Variants in GFRA2 observed in about 807,000 individuals in gnomAD.
GFRA2 encodes GDNF family receptor alpha 2, also known as GDNF family receptor alpha-2.
GFRA2 carries 17 observed loss-of-function variants against 48.3 expected under a neutral mutation model. The ratio of observed to expected loss-of-function variants is 0.35; its 90% CI spans 0.24 to 0.53. The LOEUF (loss-of-function observed/expected upper bound fraction) is 0.53, where lower values mean the gene tolerates loss of function less well. GFRA2 is among the 20% of genes least tolerant of loss of function. The probability of loss-of-function intolerance (pLI) is 0.93; values close to 1 mark genes in which losing one functional copy is unlikely to be tolerated. For missense variants in GFRA2, 660 were observed against 637.3 expected (o/e 1.04, Z -0.38); for synonymous variants, 305 against 257.2 (o/e 1.19, Z -1.78).
Position 21,758,599 on chromosome 8 carries a change from C to G in GFRA2, c.440-7657G>C, listed in dbSNP as rs1196068118. Among the ~76,000 whole-genome samples the G allele has an allele frequency of 2.0e-5, 3 of 152,252 alleles. No individual in the cohort carries two copies. The East Asian group carries it at 5.8e-4, about 29-fold the overall frequency. ...AAGAACGTGGGTCCTAATTCTGTCT[C>G]TGCTTCTCCAAGCTGAAGAAGACCC... On this transcript the variant is annotated intron_variant, in intron 3 of 8. Transcript: ENST00000524240.
At chr8:21,711,637 A>G (rs1436558900) in intron 4 of GFRA2, among the ~76,000 whole-genome samples, 3 of 152,088 alleles carry the variant, frequency 2.0e-5, no homozygotes. Flanking sequence ...TTTTTTTAGC[A>G]TAAGTATGTC....
In GFRA2 at chr8:21,788,376, C is replaced by G. The variant is rs1219604932; in HGVS notation, c.-217G>C. The G allele has an allele frequency of 4.8e-5, 64 of 1,337,478 alleles. No homozygotes were observed. The highest frequency in any genetic ancestry group is 7.4e-5 in the Admixed American group (2 of 26,876). The allele number at this position is 1,337,478 out of a possible 1,614,324, so 82.9% of individuals were successfully genotyped here. Reference sequence around the variant, plus strand: ...AGGCGGGCGATGGGCTGCTGCCTCTCGACGCCCCCCTTGCCCGCTACAATC... The same window carrying G: ...AGGCGGGCGATGGGCTGCTGCCTCTGGACGCCCCCCTTGCCCGCTACAATC... On this transcript the variant is annotated 5_prime_UTR_variant, in exon 1 of 9. Transcript: ENST00000524240.
chr8:21,739,988 C>T (rs879314685), intron 4 of GFRA2, among the ~76,000 whole-genome samples: 1 of 152,190 alleles, frequency 6.6e-6, no homozygotes, highest in African/African-American at 2.4e-5. Context: ...GCAGCCATAT[C>T]GTGGCCCCTC....
At chr8:21,754,526 G>C (rs1362402995) in intron 3 of GFRA2, among the ~76,000 whole-genome samples, 1 of 30,398 alleles carries the variant, frequency 3.3e-5, no homozygotes, top group East Asian at 1.0e-3. Context: ...TTTTTTTTTT[G>C]AGTCAGAGTT....
At chr8:21,786,900 G>A (rs1324697093) in intron 1 of GFRA2, among the ~76,000 whole-genome samples, 7 of 152,226 alleles carry the variant, frequency 4.6e-5, no homozygotes, top group African/African-American at 1.7e-4. Context: ...TCATGACCCC[G>A]CTGGGCAGCC....
intron 4 of GFRA2, among the ~76,000 whole-genome samples, chr8:21,712,770 C>T (rs1803120170): frequency 2.0e-5 from 3 of 152,326 alleles, no homozygotes; most frequent in South Asian, 2.1e-4. Flanking sequence ...CTCGGGAGGC[C>T]GAGGCTGGCG....
chr8:21,693,982 T>C (rs1802014580), intron 8 of GFRA2, among the ~76,000 whole-genome samples: 1 of 148,018 alleles, frequency 6.8e-6, no homozygotes, highest in Non-Finnish European at 1.5e-5. Context: ...CTATAAGTCA[T>C]ATATATATAT....
intron 7 of GFRA2, among the ~76,000 whole-genome samples, chr8:21,696,850 G>A (rs981001345): frequency 6.6e-6 from 1 of 150,666 alleles, no homozygotes; most frequent in African/African-American, 2.4e-5. Context: ...CAGGTGAAGG[G>A]AGAAGCAGAG....
At chr8:21,749,177 A>T (rs952410376) in intron 4 of GFRA2, among the ~76,000 whole-genome samples, 1 of 152,064 alleles carries the variant, frequency 6.6e-6, no homozygotes, top group Non-Finnish European at 1.5e-5. Context: ...CAAATGTGAG[A>T]ATTATATAGA....
upstream of GFRA2, among the ~76,000 whole-genome samples, chr8:21,789,882 A>G (rs1385990053): frequency 6.6e-6 from 1 of 152,054 alleles, no homozygotes; most frequent in Non-Finnish European, 1.5e-5. Flanking sequence ...GGAATCGGGC[A>G]GGGGCTCGCA....
chr8:21,769,662 G>A (rs778124380), intron 3 of GFRA2, among the ~76,000 whole-genome samples: 5,900 of 143,860 alleles, frequency 0.041, 142 homozygotes, highest in Non-Finnish European at 0.064. Flanking sequence ...ACAAAGCACA[G>A]TGTCACACAC....
intron 2 of GFRA2, among the ~76,000 whole-genome samples, chr8:21,778,273 A>T (rs895396867): frequency 6.6e-6 from 1 of 151,964 alleles, no homozygotes; most frequent in African/African-American, 2.4e-5. Flanking sequence ...ATGGACGCTT[A>T]CCTCTCAGGT....
intron 1 of GFRA2, among the ~76,000 whole-genome samples, chr8:21,807,654 T>A (rs1159229942): frequency 6.6e-6 from 1 of 152,202 alleles, no homozygotes; most frequent in Non-Finnish European, 1.5e-5. Context: ...CTTTCCTCTG[T>A]GCATGCACAC....
upstream of GFRA2, chr8:21,789,278 C>A: frequency 6.5e-6 from 1 of 153,400 alleles, no homozygotes; most frequent in South Asian, 1.9e-4. Flanking sequence ...ACTCAAGCGT[C>A]GGCACCCTCC....
intron 4 of GFRA2, among the ~76,000 whole-genome samples, chr8:21,724,972 A>G (rs1803788819): frequency 6.6e-6 from 1 of 152,206 alleles, no homozygotes; most frequent in Non-Finnish European, 1.5e-5. Flanking sequence ...CCTGGACACC[A>G]GCACAATCCT....
chr8:21,748,129 T>C (rs1805102481), intron 4 of GFRA2, among the ~76,000 whole-genome samples: 1 of 152,160 alleles, frequency 6.6e-6, no homozygotes, highest in African/African-American at 2.4e-5. Flanking sequence ...GTGGCTTTAA[T>C]CACCAGCAAA....
At chr8:21,693,637 G>A (rs1298751106) in intron 8 of GFRA2, among the ~76,000 whole-genome samples, 1 of 151,948 alleles carries the variant, frequency 6.6e-6, no homozygotes, top group Admixed American at 6.6e-5. Flanking sequence ...CAAGCCCTGG[G>A]GTTTGGAGAG....
At chr8:21,787,933 G>A (rs1662473940) in intron 1 of GFRA2, among the ~76,000 whole-genome samples, 187 bp downstream of exon 1, 1 of 151,912 alleles carries the variant, frequency 6.6e-6, no homozygotes, top group South Asian at 2.1e-4. Flanking sequence ...CCAGCCAGCC[G>A]CGGCTCCGGT....
At chr8:21,749,940 C>T (rs182420891) in intron 4 of GFRA2, among the ~76,000 whole-genome samples, 65 of 152,144 alleles carry the variant, frequency 4.3e-4, no homozygotes, top group African/African-American at 1.5e-3. Flanking sequence ...TAGCGCAGAG[C>T]CTAGAACATA....
Sources: allele counts gnomAD v4.1 joint callset (sites outside exome capture counted in the v4.1 genomes callset), GRCh38; gene constraint gnomAD v4.1.1; transcripts MANE v1.5; gene names NCBI Gene and HGNC (gene_info 2026-07-23, HGNC 2026-07-21).